NCOA2: variants seen among roughly 807,000 people sequenced by gnomAD.
The protein encoded by NCOA2 is class E basic helix-loop-helix protein 75.
In NCOA2, 21 loss-of-function variants were observed where a neutral mutation model predicts 145.1. That is an observed-to-expected ratio of 0.14 (90% confidence interval 0.10 to 0.21). NCOA2 has a LOEUF of 0.21. Among genes scored for constraint, NCOA2 ranks in the 10% least tolerant of loss-of-function variants. The probability of loss-of-function intolerance (pLI) is 1.00; values close to 1 mark genes in which losing one functional copy is unlikely to be tolerated. For synonymous variants in NCOA2, 619 were observed against 637.5 expected, an observed-to-expected ratio of 0.97 and a Z score of 0.44; for missense variants, 1,472 against 1,837.6, an observed-to-expected ratio of 0.80 and a Z score of 3.64.
intron 1 of NCOA2, among the ~76,000 whole-genome samples, chr8:70,328,371 G>A (rs564975250): frequency 2.6e-5 from 4 of 152,220 alleles, no homozygotes; most frequent in East Asian, 3.9e-4. Flanking sequence ...ATGTTTCTAC[G>A]CAATAAGTTT....
intron 2 of NCOA2, among the ~76,000 whole-genome samples, chr8:70,280,599 G>A (rs1035887903): frequency 3.9e-5 from 6 of 152,154 alleles, no homozygotes; most frequent in Non-Finnish European, 5.9e-5. Flanking sequence ...TTCATGAAAT[G>A]TTACAAAATT....
At chr8:70,393,986 A>G (rs1279173732) in intron 1 of NCOA2, among the ~76,000 whole-genome samples, 1 of 152,208 alleles carries the variant, frequency 6.6e-6, no homozygotes, top group Non-Finnish European at 1.5e-5. Flanking sequence ...ATAGCTTAGA[A>G]TATTCCATTC....
At chr8:70,378,628 A>G (rs1811894119) in intron 1 of NCOA2, among the ~76,000 whole-genome samples, 1 of 152,100 alleles carries the variant, frequency 6.6e-6, no homozygotes, top group African/African-American at 2.4e-5. Flanking sequence ...AAAAATGAGA[A>G]AACTGAAGCT....
At chr8:70,404,652 G>C (rs939445162), upstream of NCOA2, among the ~76,000 whole-genome samples, 1 of 152,370 alleles carries the variant, frequency 6.6e-6, no homozygotes, top group African/African-American at 2.4e-5. Flanking sequence ...AGCAAATGCT[G>C]CACACAGAGT....
intron 1 of NCOA2, among the ~76,000 whole-genome samples, chr8:70,392,129 C>T (rs1813265109): frequency 6.6e-6 from 1 of 152,112 alleles, no homozygotes; most frequent in Non-Finnish European, 1.5e-5. Context: ...AAGTTGGGAC[C>T]AAAGAAATCC....
rs200287073 is a variant in NCOA2, at chr8:70,302,107, G to A, written c.-76-5307C>T. Among the ~76,000 whole-genome samples, 19 of 151,832 alleles carry A rather than the reference G, an allele frequency of 1.3e-4. No homozygotes were observed. In the East Asian group the frequency reaches 2.5e-3, roughly 20 times the overall value. On this transcript the variant is annotated intron_variant, in intron 1 of 22. Transcript: ENST00000452400. ...CCCAAGAAGAAAGTCATACTTTCACGACTTACCTTTGAAAACTATTTCAGA... is the reference window on the plus strand; with the variant it reads ...CCCAAGAAGAAAGTCATACTTTCACAACTTACCTTTGAAAACTATTTCAGA...
At chr8:70,431,656 T>A in the NCOA2 span, among the ~76,000 whole-genome samples, 2 of 152,248 alleles carry the variant, frequency 1.3e-5, no homozygotes, top group Non-Finnish European at 1.5e-5. Context: ...TTCTTTGGGC[T>A]ATATGCATTT....
At chr8:70,447,775 C>T in the NCOA2 span, among the ~76,000 whole-genome samples, 2 of 151,038 alleles carry the variant, frequency 1.3e-5, no homozygotes, top group Non-Finnish European at 2.9e-5. Context: ...GCCTCGACCT[C>T]CCAGGCTCAG....
intron 2 of NCOA2, among the ~76,000 whole-genome samples, chr8:70,236,682 C>A (rs1458349773): frequency 6.6e-6 from 1 of 152,006 alleles, no homozygotes; most frequent in Non-Finnish European, 1.5e-5. Context: ...AAGAAAAAAA[C>A]AACAATAAAA....
At chr8:70,331,554 T>C (rs193119349) in intron 1 of NCOA2, among the ~76,000 whole-genome samples, 5 of 152,278 alleles carry the variant, frequency 3.3e-5, no homozygotes, top group South Asian at 4.1e-4. Flanking sequence ...ATTAATGCTA[T>C]GTATTAATTT....
At chr8:70,277,343 A>G (rs888222492) in intron 2 of NCOA2, among the ~76,000 whole-genome samples, 4 of 152,144 alleles carry the variant, frequency 2.6e-5, no homozygotes, top group Non-Finnish European at 5.9e-5. Flanking sequence ...TGTTTTTCCA[A>G]GTAATAATCT....
At chr8:70,365,327 G>A (rs973465174) in intron 1 of NCOA2, among the ~76,000 whole-genome samples, 3 of 151,954 alleles carry the variant, frequency 2.0e-5, no homozygotes, top group African/African-American at 4.8e-5. Flanking sequence ...GCGAGACTCC[G>A]TCTCAAAAAA....
intron 22 of NCOA2, among the ~76,000 whole-genome samples, chr8:70,118,007 C>T (rs115424775): frequency 1.3e-5 from 2 of 152,112 alleles, no homozygotes; most frequent in Non-Finnish European, 2.9e-5. Context: ...TCCTGGGGTT[C>T]TTGGGAGACA....
intron 10 of NCOA2, among the ~76,000 whole-genome samples, chr8:70,157,554 T>C (rs937929777): frequency 3.9e-5 from 6 of 152,210 alleles, no homozygotes; most frequent in Admixed American, 6.5e-5. Context: ...AATTACATAA[T>C]ACATCTTTCT....
intron 2 of NCOA2, among the ~76,000 whole-genome samples, chr8:70,220,926 C>T (rs1820079897): frequency 6.6e-6 from 1 of 152,236 alleles, no homozygotes; most frequent in South Asian, 2.1e-4. Flanking sequence ...ATAAAGTGAT[C>T]GAACATCTGA....
At chr8:70,222,848 G>A (rs1820275027) in intron 2 of NCOA2, among the ~76,000 whole-genome samples, 1 of 152,178 alleles carries the variant, frequency 6.6e-6, no homozygotes, top group Non-Finnish European at 1.5e-5. Context: ...AAGTAGCAGG[G>A]AGCTGTTCTA....
At chr8:70,279,562 CT>C (rs1216986078) in intron 2 of NCOA2, among the ~76,000 whole-genome samples, 1 of 152,202 alleles carries the variant, frequency 6.6e-6, no homozygotes, top group Non-Finnish European at 1.5e-5. Context: ...CAACCCTCCC[CT>C]GTCAGGTCAC....
intron 10 of NCOA2, 132 bp from the exon 11 acceptor site, chr8:70,157,372 T>C: frequency 1.2e-6 from 1 of 862,406 alleles, no homozygotes; most frequent in Non-Finnish European, 1.7e-6. Context: ...GATAATACTT[T>C]GTTGAAATCA....
chr8:70,178,084 A>C (rs1207112268), intron 4 of NCOA2, among the ~76,000 whole-genome samples: 1 of 152,226 alleles, frequency 6.6e-6, no homozygotes, highest in African/African-American at 2.4e-5. Flanking sequence ...TGTGATACAA[A>C]AACCTTACAC....
Sources: gnomAD v4.1 joint callset for allele counts (sites outside exome capture counted in the v4.1 genomes callset) on GRCh38, gnomAD v4.1.1 for gene constraint, MANE v1.5 for transcripts, NCBI Gene and HGNC (gene_info 2026-07-23, HGNC 2026-07-21) for gene names.